Variants in WIF1 observed in about 807,000 individuals in gnomAD.
The protein encoded by WIF1 is Wnt inhibitory factor 1.
Under a neutral mutation model 53.5 loss-of-function variants are expected in WIF1, and 35 were observed. The observed-to-expected ratio is 0.65, with a 90% CI of 0.50 to 0.87. The LOEUF (loss-of-function observed/expected upper bound fraction) is 0.87, where lower values mean the gene tolerates loss of function less well. Among genes scored for constraint, WIF1 ranks in the 40% least tolerant of loss-of-function variants. The pLI is 0.00. For synonymous variants in WIF1, 171 were observed against 170.4 expected, an observed-to-expected ratio of 1.00 and a Z score of -0.03; for missense variants, 467 against 476.8, an observed-to-expected ratio of 0.98 and a Z score of 0.19.
At position 65,117,507 on chromosome 12, in the gene WIF1, C is replaced by G. The variant is rs375556492; in HGVS notation, c.288+2910G>C. ...TCCCCCACCTTTTGGGCACCAGGGACTAGTTTTGTGGAAGACATTTTTTCC... is the reference window on the plus strand; with the variant it reads ...TCCCCCACCTTTTGGGCACCAGGGAGTAGTTTTGTGGAAGACATTTTTTCC... On this transcript the variant is annotated intron_variant, in intron 2 of 9. Coordinates refer to ENST00000286574, the MANE Select transcript of WIF1 (RefSeq NM_007191.5). Among the ~76,000 whole-genome samples the G allele has an allele frequency of 1.6e-4, 24 of 152,276 alleles. 1 individual carries two copies. Among genetic ancestry groups the G allele is most frequent in the African/African-American group, 5.8e-4 (24 of 41,564 alleles).
At chr12:65,092,767 C>T (rs1222499665) in intron 2 of WIF1, among the ~76,000 whole-genome samples, 13 of 151,944 alleles carry the variant, frequency 8.6e-5, no homozygotes, top group Non-Finnish European at 1.6e-4. Context: ...GCATGCAGCT[C>T]ATGGGGAAGC....
rs562204576 is a variant in WIF1 at position 65,077,232 on chromosome 12, A to T, written c.397+514T>A. 2.8e-4 allele frequency among the ~76,000 whole-genome samples: 42 copies of T among 152,362 alleles called. 1 individual carries two copies. The highest frequency in any genetic ancestry group is 9.4e-4 in the African/African-American group (39 of 41,588). On this transcript the variant is annotated intron_variant, in intron 3 of 9. Coordinates refer to ENST00000286574, the MANE Select transcript of WIF1 (RefSeq NM_007191.5). ...GAAAAGCTTTAAACAAATATCACATACTATTATTTTCTTAGCAAAGAAGGA... is the reference window on the plus strand; with the variant it reads ...GAAAAGCTTTAAACAAATATCACATTCTATTATTTTCTTAGCAAAGAAGGA...
chr12:65,116,362 A>G (rs987155478), intron 2 of WIF1, among the ~76,000 whole-genome samples: 5 of 151,844 alleles, frequency 3.3e-5, no homozygotes, highest in African/African-American at 1.2e-4. Context: ...GTTCCCATAG[A>G]ACTGTGAACC....
In WIF1 at chr12:65,055,107, C is replaced by T; in HGVS notation, c.1018+11G>A. The T allele has an allele frequency of 6.2e-7, 1 of 1,610,024 alleles. No homozygotes were observed. The highest frequency in any genetic ancestry group is 8.5e-7 in the Non-Finnish European group (1 of 1,178,918). On this transcript the variant is annotated intron_variant, in intron 9 of 9. Coordinates refer to ENST00000286574, the MANE Select transcript of WIF1 (RefSeq NM_007191.5). Reference sequence around the variant, plus strand: ...TTTCCTTGTTTACAACTTTTTATTTCTCCCACTCACTTTTATTGCAGTGTC... The same window carrying T: ...TTTCCTTGTTTACAACTTTTTATTTTTCCCACTCACTTTTATTGCAGTGTC...
At chr12:65,091,055 T>G (rs1384163234) in intron 2 of WIF1, among the ~76,000 whole-genome samples, 1 of 152,132 alleles carries the variant, frequency 6.6e-6, no homozygotes, top group Non-Finnish European at 1.5e-5. Flanking sequence ...TAGTTCAAGT[T>G]AGCACATATA....
chr12:65,111,043 G>T (rs1883422688), intron 2 of WIF1, among the ~76,000 whole-genome samples: 1 of 152,188 alleles, frequency 6.6e-6, no homozygotes, highest in Non-Finnish European at 1.5e-5. Flanking sequence ...CACGTGCAAA[G>T]GCCCTGAGGC....
chr12:65,095,831 A>C (rs558621165), intron 2 of WIF1: 1 of 152,302 alleles, frequency 6.6e-6, no homozygotes, highest in East Asian at 1.9e-4. Flanking sequence ...ATGACATGCA[A>C]ATTCATGAAG....
At chr12:65,118,267 A>G (rs1883542016) in intron 2 of WIF1, among the ~76,000 whole-genome samples, 1 of 152,256 alleles carries the variant, frequency 6.6e-6, no homozygotes, top group Non-Finnish European at 1.5e-5. Context: ...GGCTTTAGCC[A>G]TAGATACCTT....
At chr12:65,066,765 G>C (rs1882693746) in intron 5 of WIF1, 29 bp from the exon 6 acceptor site, 6 of 1,533,388 alleles carry the variant, frequency 3.9e-6, no homozygotes, top group Non-Finnish European at 5.3e-6. Flanking sequence ...CCTGATTAAG[G>C]CCAAATGGTA....
chr12:65,073,173 G>T (rs1882809686), intron 3 of WIF1, among the ~76,000 whole-genome samples: 1 of 152,196 alleles, frequency 6.6e-6, no homozygotes, highest in African/African-American at 2.4e-5. Flanking sequence ...ATCATGAACT[G>T]CTACATCACT....
rs1882590692 is a variant in WIF1, at chr12:65,060,177, C to A, written c.826+2304G>T. Among the ~76,000 whole-genome samples, 2 of 152,040 alleles carry A rather than the reference C, an allele frequency of 1.3e-5. 1 individual carries two copies. The highest frequency in any genetic ancestry group is 4.1e-4 in the South Asian group (2 of 4,828). ...CTCAAAAAAGTTGTCACCACGTGAC[C>A]CAGCAATTCCACCCCCAGGTAAATA... On this transcript the variant is annotated intron_variant, in intron 7 of 9. Coordinates refer to ENST00000286574, the MANE Select transcript of WIF1 (RefSeq NM_007191.5).
At chr12:65,062,600 G>A in intron 6 of WIF1, 24 bp from the exon 7 acceptor site, 2 of 1,583,648 alleles carry the variant, frequency 1.3e-6, no homozygotes, top group Non-Finnish European at 1.7e-6. Flanking sequence ...TAACAGGGGT[G>A]TTGCATTAGA....
intron 9 of WIF1, 68 bp from the exon 10 acceptor site, chr12:65,051,538 C>G: frequency 1.4e-6 from 2 of 1,455,472 alleles, no homozygotes; most frequent in African/African-American, 1.4e-5. Context: ...TCATTATTAA[C>G]CATTCAAATG....
At position 65,051,152 on chromosome 12, in the gene WIF1, T is replaced by G. The variant is rs1226773398; in HGVS notation, c.*197A>C. ...GTCCCAAAGCACTGAAACAAGAAAA[T>G]CTATACCATCATGCTACAGACGTAC... is the stretch of plus-strand genomic sequence containing the variant. On this transcript the variant is annotated 3_prime_UTR_variant, in exon 10 of 10. Transcript: ENST00000286574. The G allele has an allele frequency of 1.6e-5, 9 of 570,236 alleles. No homozygotes were observed. Among genetic ancestry groups the G allele is most frequent in the Non-Finnish European group, 2.7e-6 (1 of 371,282 alleles). 35.3% of individuals were successfully genotyped at this position (570,236 alleles called of 1,614,324 possible).
At chr12:65,097,019 T>TAAA (rs11301288) in intron 2 of WIF1, among the ~76,000 whole-genome samples, 21 of 137,718 alleles carry the variant, frequency 1.5e-4, no homozygotes, top group East Asian at 8.3e-4. Flanking sequence ...TCCTGGAACT[T>TAAA]AAAAAAAAAA....
chr12:65,117,782 G>A (rs890165205), intron 2 of WIF1, among the ~76,000 whole-genome samples: 3 of 152,068 alleles, frequency 2.0e-5, no homozygotes, highest in East Asian at 1.9e-4. Context: ...TAGATCCCTC[G>A]CATGTGCAAT....
intron 8 of WIF1, 100 bp downstream of exon 8, chr12:65,055,931 G>T: frequency 9.8e-7 from 1 of 1,023,932 alleles, no homozygotes; most frequent in Non-Finnish European, 1.4e-6. Flanking sequence ...TAACTGTGAT[G>T]CCCAGGCAAC....
intron 2 of WIF1, among the ~76,000 whole-genome samples, chr12:65,078,250 T>C (rs1004606920): frequency 6.6e-6 from 1 of 152,164 alleles, no homozygotes; most frequent in African/African-American, 2.4e-5. Context: ...TGCTAATTTT[T>C]GTATTTTTAG....
rs1477504137 is a variant in WIF1 at position 65,055,198 on chromosome 12, C to A, written c.938G>T (p.Gly313Val). The stretch of plus-strand genomic sequence containing the variant: ...ATGGCAGGTTCCATGTGCACCACAG[C>A]CAGGCTCGCAGACAGCTAGAATCAA... ...DLCSKPVCEP[G>V]CGAHGTCHEP... Residue 313 changes from glycine to valine, a missense_variant, in exon 9 of 10, where the codon GGC (glycine) becomes GTC (valine). Coordinates refer to ENST00000286574, the MANE Select transcript of WIF1 (RefSeq NM_007191.5). 1.9e-6 allele frequency: 3 copies of A among 1,613,758 alleles called. No homozygotes were observed.
Sources: allele counts gnomAD v4.1 joint callset (sites outside exome capture counted in the v4.1 genomes callset), GRCh38; gene constraint gnomAD v4.1.1; transcripts MANE v1.5; gene names NCBI Gene and HGNC (gene_info 2026-07-23, HGNC 2026-07-21).